COMMD10: variants seen among roughly 807,000 people sequenced by gnomAD.
COMMD10 encodes COMM domain-containing protein 10.
In COMMD10, 33 loss-of-function variants were observed where a neutral mutation model predicts 28.9. The ratio of observed to expected loss-of-function variants is 1.14; its 90% CI spans 0.87 to 1.53. The LOEUF (loss-of-function observed/expected upper bound fraction) is 1.53. COMMD10 is among the 40% of genes most tolerant of loss of function. The pLI, the probability that COMMD10 is intolerant of heterozygous loss-of-function variation, is 0.00. For missense variants in COMMD10, 310 were observed against 233.4 expected (o/e 1.33, Z -2.14); for synonymous variants, 110 against 81.7 (o/e 1.35, Z -1.87).
chr5:116,199,511 G>A (rs1748609300), intron 5 of COMMD10, among the ~76,000 whole-genome samples: 1 of 151,866 alleles, frequency 6.6e-6, no homozygotes, highest in Non-Finnish European at 1.5e-5. Flanking sequence ...CTGTAGCTTT[G>A]ATATTGTATC....
chr5:116,290,989 A>G (rs1243215010), intron 5 of COMMD10, among the ~76,000 whole-genome samples: 1 of 152,114 alleles, frequency 6.6e-6, no homozygotes, highest in Admixed American at 6.6e-5. Context: ...TGACTTTGAA[A>G]CTGTTGTGTT....
At position 116,124,961 on chromosome 5, in the gene COMMD10, T is replaced by G. The variant is rs140283209; in HGVS notation, c.400-9107T>G. 4.6e-5 allele frequency among the ~76,000 whole-genome samples: 7 copies of G among 152,310 alleles called. No individual in the cohort carries two copies. In the East Asian group the frequency reaches 1.3e-3, roughly 29 times the overall value. Reference sequence around the variant, plus strand: ...CCTTTATTTTGAACCTATGTGTGTCTCTGCACGTGAAGTGGTTCTCCTGAA... The same window carrying G: ...CCTTTATTTTGAACCTATGTGTGTCGCTGCACGTGAAGTGGTTCTCCTGAA... On this transcript the variant is annotated intron_variant, in intron 4 of 6. Transcript: ENST00000274458.
intron 6 of COMMD10, 77 bp from the exon 7 acceptor site, chr5:116,292,374 C>A: frequency 1.1e-6 from 1 of 887,778 alleles, no homozygotes; most frequent in Non-Finnish European, 1.6e-6. Context: ...TTTCTATTTG[C>A]ATGTGTCTGA....
intron 5 of COMMD10, chr5:116,217,958 G>C (rs1749148660): frequency 1.3e-6 from 1 of 783,400 alleles, no homozygotes; most frequent in South Asian, 1.4e-5. Context: ...TATAAAACTT[G>C]GTAAAAATAG....
At chr5:116,190,711 C>A (rs4921076) in intron 5 of COMMD10, among the ~76,000 whole-genome samples, 2 of 151,920 alleles carry the variant, frequency 1.3e-5, no homozygotes, top group African/African-American at 4.8e-5. Flanking sequence ...ACTTTTGTAC[C>A]TAAAATATTA....
intron 5 of COMMD10, among the ~76,000 whole-genome samples, chr5:116,235,850 C>T (rs1376742753): frequency 6.6e-6 from 1 of 152,092 alleles, no homozygotes; most frequent in Non-Finnish European, 1.5e-5. Context: ...TTTATTCATT[C>T]AGTTCGCTTG....
intron 5 of COMMD10, among the ~76,000 whole-genome samples, chr5:116,223,552 G>T (rs1422565155): frequency 6.6e-6 from 1 of 152,038 alleles, no homozygotes; most frequent in Non-Finnish European, 1.5e-5. Context: ...AAAGCTCATG[G>T]TGCTTTTGGA....
intron 5 of COMMD10, among the ~76,000 whole-genome samples, chr5:116,151,735 A>T (rs1165525818): frequency 6.6e-6 from 1 of 151,240 alleles, no homozygotes; most frequent in Non-Finnish European, 1.5e-5. Context: ...TGTCTATTTG[A>T]TTCTTCTCTC....
rs183009407 is a variant in COMMD10, at chr5:116,168,780, A to G, written c.510+34602A>G. On this transcript the variant is annotated intron_variant, in intron 5 of 6. Coordinates refer to ENST00000274458, the MANE Select transcript of COMMD10 (RefSeq NM_016144.4). ...AGAAATAAAAAGTTCTTTGAAACCAATGAGAACAAAGACACAATGTACCAG... is the reference window on the plus strand; with the variant it reads ...AGAAATAAAAAGTTCTTTGAAACCAGTGAGAACAAAGACACAATGTACCAG... 1.7e-3 allele frequency among the ~76,000 whole-genome samples: 258 copies of G among 152,332 alleles called. 3 individuals are homozygous for G. Among genetic ancestry groups the G allele is most frequent in the African/African-American group, 5.6e-3 (231 of 41,576 alleles).
intron 5 of COMMD10, among the ~76,000 whole-genome samples, chr5:116,224,443 T>C (rs999543531): frequency 6.6e-6 from 1 of 152,190 alleles, no homozygotes; most frequent in Non-Finnish European, 1.5e-5. Context: ...TTCTGCAGAC[T>C]GTACAGGAAG....
intron 5 of COMMD10, among the ~76,000 whole-genome samples, chr5:116,158,910 C>T (rs1260831366): frequency 6.6e-6 from 1 of 150,592 alleles, no homozygotes; most frequent in African/African-American, 2.5e-5. Flanking sequence ...TTGTGCTTGA[C>T]AAGTAACAGG....
intron 5 of COMMD10, among the ~76,000 whole-genome samples, chr5:116,246,776 G>C (rs1360294674): frequency 1.3e-5 from 2 of 152,128 alleles, no homozygotes; most frequent in Non-Finnish European, 2.9e-5. Flanking sequence ...GGGATAATTG[G>C]CTAGCCGTAT....
chr5:116,288,986 A>T (rs752800022), intron 5 of COMMD10, among the ~76,000 whole-genome samples: 5 of 143,464 alleles, frequency 3.5e-5, no homozygotes, highest in Non-Finnish European at 6.0e-5. Context: ...GGTTCAAGTG[A>T]TTCTCCTGCC....
At chr5:116,152,121 A>G (rs2112553767) in intron 5 of COMMD10, among the ~76,000 whole-genome samples, 1 of 152,284 alleles carries the variant, frequency 6.6e-6, no homozygotes, top group South Asian at 2.1e-4. Context: ...TGTACCCAGT[A>G]GTCATTCAGG....
At chr5:116,239,877 T>A (rs1749768473) in intron 5 of COMMD10, among the ~76,000 whole-genome samples, 1 of 152,144 alleles carries the variant, frequency 6.6e-6, no homozygotes, top group African/African-American at 2.4e-5. Flanking sequence ...GCAGAAACTT[T>A]GTCTTTTCTT....
chr5:116,198,371 A>C (rs1424415863), intron 5 of COMMD10, among the ~76,000 whole-genome samples: 25 of 152,078 alleles, frequency 1.6e-4, no homozygotes. Context: ...AATAAACTTT[A>C]TTTTTCAGAG....
intron 5 of COMMD10, among the ~76,000 whole-genome samples, chr5:116,171,064 A>G (rs905923133): frequency 2.6e-5 from 4 of 152,216 alleles, no homozygotes; most frequent in Non-Finnish European, 5.9e-5. Flanking sequence ...ACAGAATGAG[A>G]AAAATTTTGC....
chr5:116,208,753 A>C (rs899965219), intron 5 of COMMD10, among the ~76,000 whole-genome samples: 2 of 152,178 alleles, frequency 1.3e-5, no homozygotes, highest in Admixed American at 1.3e-4. Context: ...GAGAACAAAC[A>C]GGGAAGTCTG....
chr5:116,088,662 A>G (rs1294455063), intron 2 of COMMD10, among the ~76,000 whole-genome samples: 3 of 152,142 alleles, frequency 2.0e-5, no homozygotes, highest in Non-Finnish European at 2.9e-5. Flanking sequence ...TTTTTCAGCA[A>G]TGTGTCTATG....
Sources: allele counts gnomAD v4.1 joint callset (sites outside exome capture counted in the v4.1 genomes callset), GRCh38; gene constraint gnomAD v4.1.1; transcripts MANE v1.5; gene names NCBI Gene and HGNC (gene_info 2026-07-23, HGNC 2026-07-21).